The following PITPNC1 variants were observed in gnomAD, a reference collection of about 807,000 sequenced individuals.
PITPNC1 encodes the protein cytoplasmic phosphatidylinositol transfer protein 1.
A neutral mutation model predicts 44.7 loss-of-function variants in PITPNC1; 18 were observed. The observed-to-expected ratio is 0.40, with a 90% CI of 0.28 to 0.60. PITPNC1 has a LOEUF of 0.60. Among genes scored for constraint, PITPNC1 ranks in the 20% least tolerant of loss-of-function variants. PITPNC1 has a pLI of 0.39. For missense variants in PITPNC1, 290 were observed against 418.4 expected (o/e 0.69, Z 2.68); for synonymous variants, 141 against 149.6 (o/e 0.94, Z 0.42).
chr17:67,527,277 G>A (rs1224849274), intron 1 of PITPNC1, among the ~76,000 whole-genome samples: 2 of 152,188 alleles, frequency 1.3e-5, no homozygotes, highest in Non-Finnish European at 2.9e-5. Context: ...GGACTAGAAT[G>A]AGTACAGGCC....
At chr17:67,472,332 TAAAAAAAAAAAAAAAAAAA>T (rs751090662) in intron 1 of PITPNC1, among the ~76,000 whole-genome samples, 8 of 41,364 alleles carry the variant, frequency 1.9e-4, no homozygotes, top group Admixed American at 4.2e-4. Flanking sequence ...GCTGTTGAGC[TAAAAAAAAAAAAAAAAAAA>T]AAAAAAAAAA....
intron 1 of PITPNC1, among the ~76,000 whole-genome samples, chr17:67,465,192 CT>C (rs1184319123): frequency 1.3e-5 from 2 of 152,176 alleles, no homozygotes; most frequent in African/African-American, 4.8e-5. Flanking sequence ...ATACACCTGT[CT>C]TTGAGTGATC....
At chr17:67,661,025 A>AT (rs34870441) in intron 6 of PITPNC1, among the ~76,000 whole-genome samples, 5,083 of 128,748 alleles carry the variant, frequency 0.039, 104 homozygotes, top group Middle Eastern at 0.054. Context: ...CGCCCAGCTA[A>AT]TTTTTTTTTT....
intron 1 of PITPNC1, among the ~76,000 whole-genome samples, chr17:67,385,481 T>TC (rs2038029478): frequency 1.6e-5 from 2 of 123,174 alleles, no homozygotes; most frequent in African/African-American, 5.9e-5. Flanking sequence ...TGACCACCCC[T>TC]CCCCCCTCCC....
chr17:67,536,520 C>T (rs2040532607), intron 2 of PITPNC1, among the ~76,000 whole-genome samples: 1 of 152,128 alleles, frequency 6.6e-6, no homozygotes, highest in Non-Finnish European at 1.5e-5. Flanking sequence ...AGCCACCGTG[C>T]CCAGCCTAAT....
chr17:67,576,999 C>T (rs1007018115), intron 4 of PITPNC1, among the ~76,000 whole-genome samples: 3 of 152,104 alleles, frequency 2.0e-5, no homozygotes, highest in Non-Finnish European at 2.9e-5. Context: ...AGCCAGGTCT[C>T]GCCCGGATGC....
rs778250721 is a variant in PITPNC1, at chr17:67,424,001, C to T, written c.48+45799C>T. ...CCAAAACCTATTGGTGTTCCTGTTA[C>T]ATTTTACAACTCTTCATATGCCACT... On this transcript the variant is annotated intron_variant, in intron 1 of 8. Transcript: ENST00000581322. 6.0e-4 allele frequency among the ~76,000 whole-genome samples: 86 copies of T among 144,172 alleles called. 1 individual carries two copies. Among genetic ancestry groups the T allele is most frequent in the Non-Finnish European group, 1.9e-4 (13 of 66,720 alleles). The allele number at this position is 144,172 out of a possible 152,430, so 94.6% of individuals were successfully genotyped here.
At chr17:67,379,118 G>A in intron 1 of PITPNC1, 2 of 985,978 alleles carry the variant, frequency 2.0e-6, no homozygotes, top group Non-Finnish European at 2.4e-6. Flanking sequence ...TTCCACGACT[G>A]CTGAGCGTCT....
intron 1 of PITPNC1, among the ~76,000 whole-genome samples, chr17:67,460,283 G>A (rs999752428): frequency 6.6e-6 from 1 of 152,118 alleles, no homozygotes; most frequent in Admixed American, 6.5e-5. Flanking sequence ...CTCCCAGCGC[G>A]GGCACTCACT....
At chr17:67,405,486 T>C (rs1194665581) in intron 1 of PITPNC1, among the ~76,000 whole-genome samples, 2 of 152,146 alleles carry the variant, frequency 1.3e-5, no homozygotes, top group African/African-American at 4.8e-5. Context: ...ATATTGCTGT[T>C]CAAAAATTTT....
At chr17:67,663,580 C>CAA (rs112237311) in intron 6 of PITPNC1, among the ~76,000 whole-genome samples, 4 of 142,292 alleles carry the variant, frequency 2.8e-5, no homozygotes, top group African/African-American at 7.7e-5. Context: ...AAAAAAAGGA[C>CAA]AAAAAAAAAA....
intron 4 of PITPNC1, among the ~76,000 whole-genome samples, chr17:67,567,700 C>A (rs956206512): frequency 1.3e-5 from 2 of 151,936 alleles, no homozygotes; most frequent in African/African-American, 4.8e-5. Flanking sequence ...CATGGCCGGG[C>A]GCAGTGGCTC....
intron 6 of PITPNC1, among the ~76,000 whole-genome samples, chr17:67,650,584 G>A (rs2042199384): frequency 1.3e-5 from 2 of 151,720 alleles, no homozygotes; most frequent in African/African-American, 2.4e-5. Flanking sequence ...GAGTAGCTGG[G>A]ACTACAGGCA....
chr17:67,579,015 C>A (rs1048503273), intron 5 of PITPNC1, among the ~76,000 whole-genome samples: 1 of 152,172 alleles, frequency 6.6e-6, no homozygotes, highest in Non-Finnish European at 1.5e-5. Flanking sequence ...GAAATAGAAT[C>A]AGATATGTGT....
intron 6 of PITPNC1, among the ~76,000 whole-genome samples, chr17:67,665,541 T>C (rs1362453658): frequency 6.6e-6 from 1 of 152,248 alleles, no homozygotes; most frequent in Non-Finnish European, 1.5e-5. Context: ...TTTATATTTC[T>C]GTCACAATGT....
intron 2 of PITPNC1, among the ~76,000 whole-genome samples, chr17:67,547,510 T>C (rs2040700591): frequency 6.6e-6 from 1 of 152,154 alleles, no homozygotes; most frequent in Non-Finnish European, 1.5e-5. Flanking sequence ...AGCGAGACCC[T>C]GTCTCAAAAG....
At chr17:67,497,388 G>A (rs2039967542) in intron 1 of PITPNC1, among the ~76,000 whole-genome samples, 1 of 151,470 alleles carries the variant, frequency 6.6e-6, no homozygotes, top group South Asian at 2.1e-4. Flanking sequence ...CACACTTATA[G>A]GTACTGTATT....
At chr17:67,630,703 C>T (rs539789686) in intron 5 of PITPNC1, among the ~76,000 whole-genome samples, 154 of 151,854 alleles carry the variant, frequency 1.0e-3, no homozygotes, top group Admixed American at 2.4e-3. Context: ...TTAATTTTTC[C>T]ACTGAAATTT....
At chr17:67,652,426 G>A (rs1046329688) in intron 6 of PITPNC1, among the ~76,000 whole-genome samples, 19 of 152,156 alleles carry the variant, frequency 1.2e-4, no homozygotes, top group African/African-American at 4.6e-4. Context: ...CTATAGAGTG[G>A]ACGCCTTCTA....
Sources: gnomAD v4.1 joint callset for allele counts (sites outside exome capture counted in the v4.1 genomes callset) on GRCh38, gnomAD v4.1.1 for gene constraint, MANE v1.5 for transcripts, NCBI Gene and HGNC (gene_info 2026-07-23, HGNC 2026-07-21) for gene names.